ACTR3C: variants seen among roughly 807,000 people sequenced by gnomAD.
The protein encoded by ACTR3C is actin related protein 3C.
Under a neutral mutation model 26.3 loss-of-function variants are expected in ACTR3C, and 18 were observed. That is an observed-to-expected ratio of 0.68 (90% CI 0.47 to 1.01). The LOEUF (loss-of-function observed/expected upper bound fraction) is 1.01, where lower values mean the gene tolerates loss of function less well. Ranked by LOEUF, ACTR3C falls within the 50% of genes least tolerant of loss-of-function variation. The probability of loss-of-function intolerance (pLI) is 0.00; values close to 1 mark genes in which losing one functional copy is unlikely to be tolerated. For missense variants in ACTR3C, 184 were observed against 250.7 expected, an observed-to-expected ratio of 0.73 and a Z score of 1.80; for synonymous variants, 55 against 94.5, an observed-to-expected ratio of 0.58 and a Z score of 2.42.
the ACTR3C span, among the ~76,000 whole-genome samples, chr7:150,227,406 T>A: frequency 3.4e-4 from 52 of 151,240 alleles, no homozygotes; most frequent in Non-Finnish European, 4.9e-4. Flanking sequence ...TGTTTTTTGG[T>A]ACCTGGCTTA....
chr7:150,171,372 T>G, the ACTR3C span, among the ~76,000 whole-genome samples: 1 of 150,544 alleles, frequency 6.6e-6, no homozygotes, highest in Admixed American at 6.6e-5. Context: ...AAATAATCTG[T>G]ATTTCAAAGA....
intron 1 of ACTR3C, among the ~76,000 whole-genome samples, chr7:150,307,984 C>T (rs1425307323): frequency 6.6e-6 from 1 of 152,198 alleles, no homozygotes; most frequent in Non-Finnish European, 1.5e-5. Context: ...ACAGAGAAGA[C>T]ACGTTTTATC....
At chr7:149,937,419 G>A in the ACTR3C span, among the ~76,000 whole-genome samples, 3 of 151,600 alleles carry the variant, frequency 2.0e-5, no homozygotes, top group Non-Finnish European at 4.4e-5. Flanking sequence ...AAGCAGACAA[G>A]ATGAAAGACT....
chr7:149,910,295 C>T, the ACTR3C span, among the ~76,000 whole-genome samples: 71 of 152,110 alleles, frequency 4.7e-4, 1 homozygote, highest in Admixed American at 4.3e-3. Context: ...CAGCTACTGC[C>T]GTCTCCTGAG....
chr7:149,919,334 G>T, the ACTR3C span, among the ~76,000 whole-genome samples: 1 of 150,756 alleles, frequency 6.6e-6, no homozygotes, highest in African/African-American at 2.4e-5. Context: ...GCCACCTCCC[G>T]GGTTCAAGCG....
At chr7:150,258,457 G>A (rs1372150588) in intron 6 of ACTR3C, among the ~76,000 whole-genome samples, 1 of 151,450 alleles carries the variant, frequency 6.6e-6, no homozygotes, top group African/African-American at 2.4e-5. Flanking sequence ...AGCACAGAGG[G>A]CTATGAGAGT....
At chr7:150,101,231 T>A in the ACTR3C span, among the ~76,000 whole-genome samples, 1 of 151,424 alleles carries the variant, frequency 6.6e-6, no homozygotes, top group African/African-American at 2.4e-5. Flanking sequence ...GCCCATAAGG[T>A]CAAACAAAGC....
chr7:150,107,487 A>T, the ACTR3C span, among the ~76,000 whole-genome samples: 1 of 151,988 alleles, frequency 6.6e-6, no homozygotes, highest in Non-Finnish European at 1.5e-5. Flanking sequence ...CAGGCCCTGA[A>T]ATAGACACTG....
chr7:150,160,198 G>T, the ACTR3C span, among the ~76,000 whole-genome samples: 1 of 152,180 alleles, frequency 6.6e-6, no homozygotes, highest in East Asian at 1.9e-4. Context: ...AAATGAAAAA[G>T]GATTCTGCAA....
At chr7:149,887,672 C>T in the ACTR3C span, among the ~76,000 whole-genome samples, 3 of 152,176 alleles carry the variant, frequency 2.0e-5, no homozygotes, top group Admixed American at 6.5e-5. Context: ...CGAGCCAAGT[C>T]GAGCCAATCC....
At chr7:149,994,033 C>A in the ACTR3C span, among the ~76,000 whole-genome samples, 1 of 152,084 alleles carries the variant, frequency 6.6e-6, no homozygotes, top group Non-Finnish European at 1.5e-5. Context: ...GAGCTGGAAG[C>A]AAAGCTAAGG....
chr7:149,913,885 CCTTTTTTTT>C, the ACTR3C span, among the ~76,000 whole-genome samples: 17 of 74,608 alleles, frequency 2.3e-4, no homozygotes, highest in African/African-American at 8.5e-4. Context: ...CTCATATGTC[CCTTTTTTTT>C]TTTTTTTTTT....
the ACTR3C span, among the ~76,000 whole-genome samples, chr7:150,134,232 TAAA>T: frequency 0.011 from 1,348 of 125,296 alleles, 8 homozygotes; most frequent in African/African-American, 0.037. Context: ...CTATATGCAG[TAAA>T]AAAAAAAAAA....
At chr7:150,255,242 A>ATTTTTT (rs745713614) in intron 6 of ACTR3C, among the ~76,000 whole-genome samples, 612 of 84,914 alleles carry the variant, frequency 7.2e-3, no homozygotes, top group Non-Finnish European at 0.01. Context: ...TTTGTAGGGG[A>ATTTTTT]TTTTTTTTTT....
chr7:150,300,683 A>G (rs908281844), intron 1 of ACTR3C, among the ~76,000 whole-genome samples: 7 of 150,830 alleles, frequency 4.6e-5, no homozygotes, highest in Non-Finnish European at 8.8e-5. Flanking sequence ...ATTAGAATCC[A>G]TCAATTCCTG....
At chr7:149,975,825 T>C in the ACTR3C span, among the ~76,000 whole-genome samples, 3 of 152,144 alleles carry the variant, frequency 2.0e-5, no homozygotes, top group Non-Finnish European at 4.4e-5. Flanking sequence ...TGAGAACTCA[T>C]TGTCACAAGA....
chr7:149,955,214 G>A, the ACTR3C span, among the ~76,000 whole-genome samples: 1 of 152,240 alleles, frequency 6.6e-6, no homozygotes, highest in Non-Finnish European at 1.5e-5. Flanking sequence ...CATGAGCTGC[G>A]TGGGGGCCTC....
the ACTR3C span, among the ~76,000 whole-genome samples, chr7:150,012,314 C>T: frequency 2.0e-5 from 2 of 98,500 alleles, 1 homozygote; most frequent in African/African-American, 7.9e-5. Flanking sequence ...TTTATAAATG[C>T]ATCTTTTTTT....
At chr7:150,204,281 G>C in the ACTR3C span, among the ~76,000 whole-genome samples, 3 of 144,248 alleles carry the variant, frequency 2.1e-5, no homozygotes, top group Non-Finnish European at 4.4e-5. Flanking sequence ...GACTGTATTG[G>C]AAGCAAGCTG....
Sources: allele counts gnomAD v4.1 joint callset (sites outside exome capture counted in the v4.1 genomes callset), GRCh38; gene constraint gnomAD v4.1.1; transcripts MANE v1.5; gene names NCBI Gene and HGNC (gene_info 2026-07-23, HGNC 2026-07-21).